SPSB4: variants seen among roughly 807,000 people sequenced by gnomAD.
SPSB4 encodes SPRY domain-containing SOCS box protein 4.
A neutral mutation model predicts 20.9 loss-of-function variants in SPSB4; 21 were observed. The ratio of observed to expected loss-of-function variants is 1.01; its 90% CI spans 0.71 to 1.45. The LOEUF (loss-of-function observed/expected upper bound fraction) is 1.45. SPSB4 is among the 40% of genes most tolerant of loss of function. SPSB4 has a pLI of 0.00. For synonymous variants in SPSB4, 207 were observed against 183.8 expected (o/e 1.13, Z -1.02); for missense variants, 399 against 399.2 (o/e 1.00, Z 0.00).
chr3:141,081,803 T>G (rs1419498478), intron 2 of SPSB4, among the ~76,000 whole-genome samples: 2 of 152,104 alleles, frequency 1.3e-5, no homozygotes, highest in African/African-American at 4.8e-5. Flanking sequence ...GGAGATGAAA[T>G]AAAGCAAAAC....
chr3:141,059,799 AC>A (rs1937727849), intron 1 of SPSB4, among the ~76,000 whole-genome samples: 1 of 151,874 alleles, frequency 6.6e-6, no homozygotes, highest in Admixed American at 6.6e-5. Flanking sequence ...AAGAGCACTC[AC>A]CACTTACTGG....
At chr3:141,095,473 C>T (rs1399372847) in intron 2 of SPSB4, among the ~76,000 whole-genome samples, 1 of 152,140 alleles carries the variant, frequency 6.6e-6, no homozygotes, top group Non-Finnish European at 1.5e-5. Flanking sequence ...TCCCCTGAGA[C>T]TTTGCTGGGA....
intron 1 of SPSB4, among the ~76,000 whole-genome samples, chr3:141,061,169 T>C (rs890248899): frequency 6.6e-6 from 1 of 152,232 alleles, no homozygotes; most frequent in Admixed American, 6.5e-5. Context: ...GCATTTAAAG[T>C]ATATTTAGTG....
intron 1 of SPSB4, among the ~76,000 whole-genome samples, chr3:141,059,948 G>T (rs890285484): frequency 1.3e-5 from 2 of 152,208 alleles, no homozygotes; most frequent in African/African-American, 4.8e-5. Flanking sequence ...CAGACAGGTG[G>T]GGATTCACAT....
chr3:141,132,225 T>G (rs1325954500), intron 2 of SPSB4: 3 of 429,704 alleles, frequency 7.0e-6, no homozygotes, highest in Admixed American at 2.6e-5. Flanking sequence ...CAAAGTGCAG[T>G]GGCACGATCT....
At chr3:141,101,878 T>C (rs1462234388) in intron 2 of SPSB4, among the ~76,000 whole-genome samples, 2 of 152,236 alleles carry the variant, frequency 1.3e-5, no homozygotes, top group Non-Finnish European at 2.9e-5. Flanking sequence ...TGGAGACTTG[T>C]AGGTTTCCCT....
At chr3:141,128,788 G>C (rs1939090199) in intron 2 of SPSB4, among the ~76,000 whole-genome samples, 1 of 152,176 alleles carries the variant, frequency 6.6e-6, no homozygotes, top group African/African-American at 2.4e-5. Context: ...CTTTAGCAAA[G>C]TCAGCTTCTA....
intron 2 of SPSB4, among the ~76,000 whole-genome samples, chr3:141,120,096 G>A (rs1938942550): frequency 6.6e-6 from 1 of 152,186 alleles, no homozygotes; most frequent in African/African-American, 2.4e-5. Context: ...ATGTGTCCCA[G>A]AGATTCTGGT....
chr3:141,107,319 A>G (rs1938713077), intron 2 of SPSB4, among the ~76,000 whole-genome samples: 1 of 152,220 alleles, frequency 6.6e-6, no homozygotes, highest in Admixed American at 6.5e-5. Flanking sequence ...GAGTGATAAG[A>G]CTATCTTAAT....
At chr3:141,137,988 A>G (rs1939256579) in intron 2 of SPSB4, among the ~76,000 whole-genome samples, 1 of 152,116 alleles carries the variant, frequency 6.6e-6, no homozygotes. Context: ...TTGGTAAGCT[A>G]TTAATTATTG....
At chr3:141,103,830 CTTT>C (rs398062861) in intron 2 of SPSB4, among the ~76,000 whole-genome samples, 138 of 144,218 alleles carry the variant, frequency 9.6e-4, no homozygotes, top group African/African-American at 3.3e-3. Context: ...CAAAAATGAC[CTTT>C]TTTTTTTTTT....
chr3:141,130,033 C>T (rs949449376), intron 2 of SPSB4, among the ~76,000 whole-genome samples: 3 of 152,226 alleles, frequency 2.0e-5, no homozygotes, highest in Non-Finnish European at 4.4e-5. Flanking sequence ...AGCTTGTCAA[C>T]AGAAAACGCT....
rs765902754 is a variant in SPSB4, at chr3:141,147,637, T to C, written c.*368T>C. On this transcript the variant is annotated 3_prime_UTR_variant, in exon 3 of 3. Transcript: ENST00000310546. The stretch of plus-strand genomic sequence containing the variant: ...AACATTTAGGCAGGAGACTTTCTAT[T>C]GTGTGCCCCGTTGCAGACAGGGCCA... 6.8e-5 allele frequency: 13 copies of C among 191,654 alleles called. No individual in the cohort carries two copies. The highest frequency in any genetic ancestry group is 1.4e-4 in the Non-Finnish European group (13 of 91,536). The allele number at this position is 191,654 out of a possible 1,614,324, so 11.9% of individuals were successfully genotyped here.
intron 2 of SPSB4, among the ~76,000 whole-genome samples, chr3:141,127,959 G>A (rs1230255833): frequency 1.3e-5 from 2 of 152,322 alleles, no homozygotes; most frequent in East Asian, 3.9e-4. Flanking sequence ...GTCCCTCACT[G>A]GCTGCCCCAT....
chr3:141,079,316 A>T (rs1403925103), intron 2 of SPSB4, among the ~76,000 whole-genome samples: 3 of 152,106 alleles, frequency 2.0e-5, no homozygotes, highest in Admixed American at 2.0e-4. Flanking sequence ...GCCCAGGGAA[A>T]GAGTGCCCAT....
chr3:141,118,471 C>T (rs1559852677), intron 2 of SPSB4, among the ~76,000 whole-genome samples: 1 of 152,188 alleles, frequency 6.6e-6, no homozygotes, highest in African/African-American at 2.4e-5. Context: ...GGTTCTTTTG[C>T]TGTGCAGAAG....
chr3:141,061,088 TTC>T (rs1453627416), intron 1 of SPSB4, among the ~76,000 whole-genome samples: 1 of 152,220 alleles, frequency 6.6e-6, no homozygotes, highest in East Asian at 1.9e-4. Flanking sequence ...TTTTACATAT[TTC>T]TGTCTTCTCC....
intron 2 of SPSB4, among the ~76,000 whole-genome samples, chr3:141,107,284 C>T (rs1047404580): frequency 2.6e-5 from 4 of 152,204 alleles, no homozygotes; most frequent in African/African-American, 4.8e-5. Context: ...GAAGTTCATA[C>T]ATTATTTATC....
At chr3:141,128,925 C>T (rs1219308821) in intron 2 of SPSB4, among the ~76,000 whole-genome samples, 1 of 152,160 alleles carries the variant, frequency 6.6e-6, no homozygotes, top group Non-Finnish European at 1.5e-5. Context: ...GTTTCTAGGG[C>T]TCCTTTTTCA....
Sources: allele counts gnomAD v4.1 joint callset (sites outside exome capture counted in the v4.1 genomes callset), GRCh38; gene constraint gnomAD v4.1.1; transcripts MANE v1.5; gene names NCBI Gene and HGNC (gene_info 2026-07-23, HGNC 2026-07-21).